Variants in RBFOX3 observed in about 807,000 individuals in gnomAD.
RBFOX3 encodes RNA binding protein fox-1 homolog 3.
RBFOX3 carries 17 observed loss-of-function variants against 48.7 expected under a neutral mutation model. The ratio of observed to expected loss-of-function variants is 0.35; its 90% CI spans 0.24 to 0.52. RBFOX3 has a LOEUF of 0.52. Among genes scored for constraint, RBFOX3 ranks in the 20% least tolerant of loss-of-function variants. RBFOX3 has a pLI of 0.94. For missense variants in RBFOX3, 382 were observed against 497.5 expected, an observed-to-expected ratio of 0.77 and a Z score of 2.21; for synonymous variants, 212 against 209.5, an observed-to-expected ratio of 1.01 and a Z score of -0.10.
rs149790201 is a variant in RBFOX3 at position 79,112,654 on chromosome 17, G to A, written c.222+2840C>T. ...CCCCGGGCCTGGACAGGACCCTGCCGTCTAGGGGCCGGCTCTGCCACAGCT... is the reference window on the plus strand; with the variant it reads ...CCCCGGGCCTGGACAGGACCCTGCCATCTAGGGGCCGGCTCTGCCACAGCT... On this transcript the variant is annotated intron_variant, in intron 5 of 14. Transcript: ENST00000693108. 2.6e-4 allele frequency among the ~76,000 whole-genome samples: 39 copies of A among 152,216 alleles called. 1 individual carries two copies. The highest frequency in any genetic ancestry group is 7.7e-4 in the African/African-American group (32 of 41,526).
chr17:79,139,836 G>T (rs553276335), intron 4 of RBFOX3, among the ~76,000 whole-genome samples: 3 of 152,340 alleles, frequency 2.0e-5, no homozygotes, highest in Non-Finnish European at 4.4e-5. Flanking sequence ...CAGAACCACC[G>T]TGTGTGCCCG....
intron 4 of RBFOX3, among the ~76,000 whole-genome samples, chr17:79,151,258 G>C (rs1291295868): frequency 6.6e-6 from 1 of 151,404 alleles, no homozygotes; most frequent in Non-Finnish European, 1.5e-5. Context: ...ACACAGTCCA[G>C]GGGGAGAAGC....
In RBFOX3 at chr17:79,535,434, G is replaced by A. The variant is rs1012173830; in HGVS notation, c.-319-52836C>T. 3.9e-5 allele frequency among the ~76,000 whole-genome samples: 6 copies of A among 152,132 alleles called. No homozygotes were observed. The highest frequency in any genetic ancestry group is 3.9e-4 in the East Asian group (2 of 5,176). On this transcript the variant is annotated intron_variant, in intron 1 of 14. Coordinates refer to ENST00000693108, the MANE Select transcript of RBFOX3 (RefSeq NM_001350451.2). The surrounding 1 kb of genome is among the most constrained non-coding windows in gnomAD (Gnocchi z 4.5). ...CAAAGCTCATTCCTACCTGTCCTCC[G>A]GAGAGTGTCACAAGGGGACAGCGGC...
chr17:79,451,821 G>A (rs143442728), intron 2 of RBFOX3, among the ~76,000 whole-genome samples: 2 of 152,222 alleles, frequency 1.3e-5, no homozygotes, highest in East Asian at 1.9e-4. Flanking sequence ...TGACAGCATC[G>A]CAGTGTTCGT....
chr17:79,609,505 G>A (rs963300781), intron 1 of RBFOX3, among the ~76,000 whole-genome samples: 10 of 152,316 alleles, frequency 6.6e-5, no homozygotes, highest in Middle Eastern at 3.4e-3. Context: ...TAGCGGCTCC[G>A]CGGGACTCCT....
chr17:79,506,186 G>A (rs1405489617), intron 1 of RBFOX3, among the ~76,000 whole-genome samples: 4 of 152,302 alleles, frequency 2.6e-5, no homozygotes, highest in Middle Eastern at 3.4e-3. Flanking sequence ...GAATGCCCCC[G>A]GACATCTCCA....
chr17:79,593,320 A>G (rs1437573265), intron 1 of RBFOX3, among the ~76,000 whole-genome samples: 3 of 152,086 alleles, frequency 2.0e-5, no homozygotes, highest in Non-Finnish European at 2.9e-5. Context: ...ACGCCTGTAC[A>G]TGCATGCCGA....
At chr17:79,248,134 CG>C (rs369974026) in intron 3 of RBFOX3, among the ~76,000 whole-genome samples, 2 of 152,186 alleles carry the variant, frequency 1.3e-5, no homozygotes, top group African/African-American at 4.8e-5. Flanking sequence ...CCTCTACCTC[CG>C]GGGCACAGGA....
In RBFOX3 at chr17:79,117,687, G is replaced by A. The variant is rs900607724; in HGVS notation, c.-33-1939C>T. On this transcript the variant is annotated intron_variant, in intron 4 of 14. Transcript: ENST00000693108. ...GTCCTGCCTCCCCCACCCCTAGCCT[G>A]TCCTCTGCATCCTTCATTCAGTTCC... 2.0e-5 allele frequency among the ~76,000 whole-genome samples: 3 copies of A among 152,160 alleles called. No individual in the cohort carries two copies. In the East Asian group the frequency reaches 5.8e-4, roughly 29 times the overall value.
intron 2 of RBFOX3, among the ~76,000 whole-genome samples, chr17:79,402,036 G>A (rs1376001081): frequency 6.6e-6 from 1 of 152,260 alleles, no homozygotes; most frequent in Non-Finnish European, 1.5e-5. Flanking sequence ...CTGAGAAAGA[G>A]CAGAAGCAGG....
chr17:79,173,727 C>T (rs1488139991), intron 4 of RBFOX3, among the ~76,000 whole-genome samples: 1 of 152,164 alleles, frequency 6.6e-6, no homozygotes, highest in Non-Finnish European at 1.5e-5. Flanking sequence ...GGAGCCACCC[C>T]TGGATCTCAG....
chr17:79,097,650 G>A (rs1471197531), intron 10 of RBFOX3, 42 bp downstream of exon 10: 1 of 1,264,420 alleles, frequency 7.9e-7, no homozygotes, highest in African/African-American at 1.7e-5. Context: ...ACGGGGCCAA[G>A]TAGCTGGTCT....
chr17:79,640,615 A>G, the RBFOX3 span, among the ~76,000 whole-genome samples: 1 of 152,222 alleles, frequency 6.6e-6, no homozygotes, highest in African/African-American at 2.4e-5. Flanking sequence ...ATATAGACCA[A>G]TCGAACAAAA....
chr17:79,383,945 T>G (rs1318920073), intron 2 of RBFOX3, among the ~76,000 whole-genome samples: 4 of 151,794 alleles, frequency 2.6e-5, no homozygotes, highest in Admixed American at 1.3e-4. Context: ...GGGGGGGCAA[T>G]CAGGGTATGT....
At chr17:79,622,679 C>T in the RBFOX3 span, among the ~76,000 whole-genome samples, 1 of 152,174 alleles carries the variant, frequency 6.6e-6, no homozygotes, top group Non-Finnish European at 1.5e-5. Flanking sequence ...CCCTCTTCCA[C>T]TGAGGACACC....
chr17:79,620,105 A>ATG, the RBFOX3 span, among the ~76,000 whole-genome samples: 1 of 135,244 alleles, frequency 7.4e-6, no homozygotes, highest in Admixed American at 7.0e-5. Flanking sequence ...ACATGTGTGC[A>ATG]TGCACGCATA....
chr17:79,319,014 A>G (rs2077995729), intron 2 of RBFOX3, among the ~76,000 whole-genome samples: 1 of 152,066 alleles, frequency 6.6e-6, no homozygotes, highest in Non-Finnish European at 1.5e-5. Flanking sequence ...CCAAAAACTT[A>G]AAGTACAATA....
chr17:79,622,642 G>A, the RBFOX3 span, among the ~76,000 whole-genome samples: 1,189 of 152,164 alleles, frequency 7.8e-3, 55 homozygotes, highest in East Asian at 0.15. Flanking sequence ...CTCCACAGCC[G>A]TCCCCATGTG....
At chr17:79,140,085 T>G (rs1056711600) in intron 4 of RBFOX3, among the ~76,000 whole-genome samples, 3 of 152,180 alleles carry the variant, frequency 2.0e-5, no homozygotes, top group Non-Finnish European at 4.4e-5. Context: ...GGTTCTGGCA[T>G]CTCCATGGGT....
Sources: allele counts gnomAD v4.1 joint callset (sites outside exome capture counted in the v4.1 genomes callset), GRCh38; gene constraint gnomAD v4.1.1; non-coding constraint Gnocchi (gnomAD v3.1); transcripts MANE v1.5; gene names NCBI Gene and HGNC (gene_info 2026-07-23, HGNC 2026-07-21).